The following MYO10 variants were observed in gnomAD, a reference collection of about 807,000 sequenced individuals.
MYO10 encodes unconventional myosin-X.
A neutral mutation model predicts 257.3 loss-of-function variants in MYO10; 133 were observed. The observed-to-expected ratio is 0.52, with a 90% CI of 0.45 to 0.60. The LOEUF (loss-of-function observed/expected upper bound fraction) is 0.60, where lower values mean the gene tolerates loss of function less well. MYO10 is among the 20% of genes least tolerant of loss of function. The probability of loss-of-function intolerance (pLI) is 0.00; values close to 1 mark genes in which losing one functional copy is unlikely to be tolerated. For synonymous variants in MYO10, 1,104 were observed against 1,028.6 expected (o/e 1.07, Z -1.40); for missense variants, 2,399 against 2,635.7 (o/e 0.91, Z 1.97).
At chr5:16,846,679 A>G (rs1174983876) in intron 2 of MYO10, among the ~76,000 whole-genome samples, 2 of 152,246 alleles carry the variant, frequency 1.3e-5, no homozygotes, top group African/African-American at 2.4e-5. Flanking sequence ...TGGGATGACA[A>G]GTCATAATAT....
intron 19 of MYO10, chr5:16,742,162 C>CA (rs1307433127): frequency 1.0e-6 from 1 of 985,356 alleles, no homozygotes; most frequent in Non-Finnish European, 1.2e-6. Context: ...AGTCCCAGGA[C>CA]AAAATCAAGC....
At chr5:16,723,946 C>T (rs548392949) in intron 19 of MYO10, among the ~76,000 whole-genome samples, 6 of 151,906 alleles carry the variant, frequency 3.9e-5, no homozygotes, top group African/African-American at 1.2e-4. Context: ...TGCCAGGGGT[C>T]GGGGGAAGGA....
chr5:16,825,414 C>A (rs772949374), intron 2 of MYO10, among the ~76,000 whole-genome samples: 15 of 152,220 alleles, frequency 9.9e-5, no homozygotes, highest in Non-Finnish European at 2.9e-5. Context: ...CTGACCACGA[C>A]CCACAGTGAG....
At chr5:16,747,850 C>T (rs1421049782) in intron 19 of MYO10, among the ~76,000 whole-genome samples, 16 of 129,156 alleles carry the variant, frequency 1.2e-4, no homozygotes, top group African/African-American at 4.1e-4. Flanking sequence ...ACCCTGGAGG[C>T]GGAGCTTGCA....
At chr5:16,925,956 A>G (rs1488022449) in intron 1 of MYO10, among the ~76,000 whole-genome samples, 1 of 152,168 alleles carries the variant, frequency 6.6e-6, no homozygotes, top group Non-Finnish European at 1.5e-5. Context: ...ATTTTCTTTG[A>G]GTGTCATTTC....
In MYO10 at chr5:16,707,802, T is replaced by TA. The variant is rs1738413646; in HGVS notation, c.2169+3105dup. Among the ~76,000 whole-genome samples, 3 of 152,332 alleles carry TA rather than the reference T, an allele frequency of 2.0e-5. No homozygotes were observed. The South Asian group carries it at 6.2e-4, about 32-fold the overall frequency. On this transcript the variant is annotated intron_variant, in intron 21 of 40. Coordinates refer to ENST00000513610, the MANE Select transcript of MYO10 (RefSeq NM_012334.3). ...GCATCCGACAGGCCGCTTCAATTCC[T>TA]AGTAATGCTTCTCCAGTCCTCTAGG...
chr5:16,761,511 GT>G lies in MYO10; in HGVS notation c.1691del (p.Asn564ThrfsTer13). The G allele has an allele frequency of 6.2e-7, 1 of 1,613,058 alleles. No individual in the cohort carries two copies. The highest frequency in any genetic ancestry group is 8.5e-7 in the Non-Finnish European group (1 of 1,179,598). ...QYDVRGILEK[N>X]RDTFRDDLLN... ...GAAGGTCATCTCGAAATGTATCTCT[GT>G]TCTTCTCCAAGATACCTCGGACATC... On this transcript the variant is annotated frameshift_variant, in exon 17 of 41. Transcript: ENST00000513610. LOFTEE classifies it high-confidence loss of function.
intron 3 of MYO10, among the ~76,000 whole-genome samples, chr5:16,804,779 G>A (rs1213660531): frequency 1.3e-5 from 2 of 152,026 alleles, no homozygotes; most frequent in Admixed American, 6.6e-5. Context: ...GCTGGGTGTG[G>A]TAGTGCATGC....
chr5:16,816,270 C>T (rs1399245033), intron 3 of MYO10, among the ~76,000 whole-genome samples: 4 of 144,626 alleles, frequency 2.8e-5, no homozygotes, highest in Non-Finnish European at 6.0e-5. Flanking sequence ...ACCCAGGAGG[C>T]GGAGCCTGCA....
At chr5:16,823,446 C>CA (rs1554000155) in intron 2 of MYO10, among the ~76,000 whole-genome samples, 207 of 4,168 alleles carry the variant, frequency 0.05, 34 homozygotes, top group Non-Finnish European at 0.097. Flanking sequence ...CTCCATCTTG[C>CA]GCGGGGGGGG....
At chr5:16,767,410 TCCACCTA>T (rs1740905908) in intron 10 of MYO10, among the ~76,000 whole-genome samples, 1 of 151,834 alleles carries the variant, frequency 6.6e-6, no homozygotes, top group African/African-American at 2.4e-5. Context: ...CCTCACGTGA[TCCACCTA>T]CCTTGGCCTC....
chr5:16,797,646 A>G (rs1044621446), intron 3 of MYO10, among the ~76,000 whole-genome samples: 1 of 152,238 alleles, frequency 6.6e-6, no homozygotes, highest in Non-Finnish European at 1.5e-5. Flanking sequence ...AAAAAGGAAT[A>G]AAGTGCTGAT....
chr5:16,823,468 A>ATTTTTTT (rs1173952251), intron 2 of MYO10, among the ~76,000 whole-genome samples: 160 of 6,420 alleles, frequency 0.025, 42 homozygotes, highest in Admixed American at 0.038. Context: ...GGGAGTGGGG[A>ATTTTTTT]TTTTTTTTTT....
intron 39 of MYO10, 122 bp from the exon 40 acceptor site, chr5:16,668,590 G>A: frequency 1.5e-6 from 1 of 680,466 alleles, no homozygotes. Context: ...TATTCGATGT[G>A]CATGCATGCA....
Position 16,764,492 on chromosome 5 carries a change from G to A in MYO10, c.1180-96C>T, listed in dbSNP as rs1740808309. ...CACTTGAGAGACACACACAAGACTA[G>A]CATAGCATCTGGCCCTCCAGTGTGA... On this transcript the variant is annotated intron_variant, in intron 11 of 40. Coordinates refer to ENST00000513610, the MANE Select transcript of MYO10 (RefSeq NM_012334.3). 3.7e-6 allele frequency: 5 copies of A among 1,369,158 alleles called. No individual in the cohort carries two copies. In the South Asian group the frequency reaches 6.7e-5, roughly 18 times the overall value. 84.8% of individuals were successfully genotyped at this position (1,369,158 alleles called of 1,614,324 possible). A position where few individuals can be genotyped will look rare whatever the true frequency, so the allele number is the denominator to read the frequency against.
chr5:16,846,259 G>A (rs1206663273), intron 2 of MYO10, among the ~76,000 whole-genome samples: 3 of 152,186 alleles, frequency 2.0e-5, no homozygotes, highest in South Asian at 2.1e-4. Context: ...AGTACCATGA[G>A]ACTAAACAGG....
intron 1 of MYO10, among the ~76,000 whole-genome samples, chr5:16,892,024 G>A (rs1439027153): frequency 6.6e-6 from 1 of 152,134 alleles, no homozygotes; most frequent in Non-Finnish European, 1.5e-5. Flanking sequence ...TATTATGGGA[G>A]GCAGAAATGG....
chr5:16,858,341 AGTCGTC>A, intron 2 of MYO10, among the ~76,000 whole-genome samples: 1 of 151,958 alleles, frequency 6.6e-6, no homozygotes, highest in African/African-American at 2.4e-5. Flanking sequence ...CGCACACTGG[AGTCGTC>A]ACATAAGCTT....
At chr5:16,805,739 T>C (rs80257095) in intron 3 of MYO10, among the ~76,000 whole-genome samples, 8,957 of 152,256 alleles carry the variant, frequency 0.059, 557 homozygotes, top group East Asian at 0.2. Context: ...AAGTACATTC[T>C]ATTTTGAAGC....
Sources: allele counts gnomAD v4.1 joint callset (sites outside exome capture counted in the v4.1 genomes callset), GRCh38; gene constraint gnomAD v4.1.1; transcripts MANE v1.5; gene names NCBI Gene and HGNC (gene_info 2026-07-23, HGNC 2026-07-21).